SLC38A6: variants seen among roughly 807,000 people sequenced by gnomAD.
SLC38A6 encodes the protein solute carrier family 38 member 6.
In SLC38A6, 73 loss-of-function variants were observed where a neutral mutation model predicts 65.0. The ratio of observed to expected loss-of-function variants is 1.12; its 90% confidence interval spans 0.93 to 1.37. The LOEUF is 1.37. Ranked by LOEUF, SLC38A6 falls within the 40% of genes most tolerant of loss-of-function variation. SLC38A6 has a pLI of 0.00. For missense variants in SLC38A6, 561 were observed against 531.1 expected, an observed-to-expected ratio of 1.06 and a Z score of -0.55; for synonymous variants, 183 against 178.8, an observed-to-expected ratio of 1.02 and a Z score of -0.19.
chr14:61,011,219 C>T (rs995371947), intron 3 of SLC38A6, among the ~76,000 whole-genome samples: 7 of 152,072 alleles, frequency 4.6e-5, no homozygotes, highest in Non-Finnish European at 1.0e-4. Flanking sequence ...GTGATTTTTA[C>T]ACATTGATTT....
intron 15 of SLC38A6, among the ~76,000 whole-genome samples, chr14:61,062,482 T>G (rs1594773513): frequency 1.3e-5 from 2 of 152,006 alleles, no homozygotes; most frequent in African/African-American, 4.8e-5. Context: ...TCTGTTTAGC[T>G]CAACTCTCTT....
chr14:61,007,371 A>G (rs1049919910), intron 3 of SLC38A6, among the ~76,000 whole-genome samples: 1 of 152,144 alleles, frequency 6.6e-6, no homozygotes, highest in Admixed American at 6.6e-5. Flanking sequence ...GGCTCACACC[A>G]GTAATCCCAG....
At chr14:61,018,145 A>T (rs1411433373) in intron 4 of SLC38A6, among the ~76,000 whole-genome samples, 1 of 152,218 alleles carries the variant, frequency 6.6e-6, no homozygotes, top group African/African-American at 2.4e-5. Context: ...TCAGCCAAAG[A>T]ATGAAAGAAT....
chr14:61,051,310 G>A (rs2042496325), intron 13 of SLC38A6, among the ~76,000 whole-genome samples: 1 of 152,156 alleles, frequency 6.6e-6, no homozygotes, highest in African/African-American at 2.4e-5. Flanking sequence ...TTTGGCATGT[G>A]ACCGCCTGCT....
At chr14:61,026,112 G>C (rs1482556348) in intron 5 of SLC38A6, among the ~76,000 whole-genome samples, 1 of 152,046 alleles carries the variant, frequency 6.6e-6, no homozygotes, top group Non-Finnish European at 1.5e-5. Flanking sequence ...AAACTGTAAT[G>C]ATGTCTTAGG....
At chr14:60,982,403 G>A in intron 1 of SLC38A6, 105 bp from the exon 2 acceptor site, 2 of 1,444,610 alleles carry the variant, frequency 1.4e-6, no homozygotes, top group Non-Finnish European at 1.9e-6. Flanking sequence ...ACAAACCCTG[G>A]TGGTTTGCAG....
At chr14:61,004,955 T>G (rs927661407) in intron 3 of SLC38A6, among the ~76,000 whole-genome samples, 2 of 152,048 alleles carry the variant, frequency 1.3e-5, no homozygotes, top group African/African-American at 4.8e-5. Context: ...ACTGGCAAAC[T>G]GAATCCAGCA....
chr14:61,082,339 T>C (rs1294823913), intron 16 of SLC38A6, among the ~76,000 whole-genome samples: 1 of 152,168 alleles, frequency 6.6e-6, no homozygotes, highest in Non-Finnish European at 1.5e-5. Flanking sequence ...TGTTGACTGC[T>C]TTGATTTTGT....
chr14:61,083,081 C>G (rs1029682757), intron 16 of SLC38A6, among the ~76,000 whole-genome samples: 9 of 152,220 alleles, frequency 5.9e-5, no homozygotes, highest in Non-Finnish European at 4.4e-5. Flanking sequence ...GAGCTTGGCC[C>G]TCTACCATTT....
intron 5 of SLC38A6, among the ~76,000 whole-genome samples, chr14:61,022,681 G>A (rs1595115428): frequency 1.3e-5 from 2 of 151,922 alleles, no homozygotes; most frequent in East Asian, 3.9e-4. Context: ...TTTTTTAAAA[G>A]AATGTTTGTT....
chr14:61,071,728 A>AGTGTAGGAAT (rs1284917096), intron 15 of SLC38A6, among the ~76,000 whole-genome samples: 26 of 152,034 alleles, frequency 1.7e-4, no homozygotes, highest in Admixed American at 5.2e-4. Context: ...TTATATTCAC[A>AGTGTAGGAAT]ACAACTATGT....
chr14:61,014,384 C>T (rs1043275847), intron 3 of SLC38A6, among the ~76,000 whole-genome samples: 1 of 152,176 alleles, frequency 6.6e-6, no homozygotes, highest in African/African-American at 2.4e-5. Context: ...TCTCTCAACT[C>T]GTCAAAGTCA....
chr14:61,000,858 A>G (rs1470042852), intron 3 of SLC38A6, among the ~76,000 whole-genome samples: 1 of 152,224 alleles, frequency 6.6e-6, no homozygotes, highest in Non-Finnish European at 1.5e-5. Context: ...TCACAGAAGA[A>G]TTAAAACTGA....
intron 3 of SLC38A6, among the ~76,000 whole-genome samples, chr14:61,015,101 C>T (rs940542585): frequency 5.9e-5 from 9 of 152,214 alleles, no homozygotes; most frequent in African/African-American, 2.2e-4. Context: ...ATCCCCCAGC[C>T]TCGCTGCAGC....
rs760921831 is a variant in SLC38A6, at chr14:61,046,040, T to C, written c.825-27T>C. 2.1e-6 allele frequency: 3 copies of C among 1,400,664 alleles called. No homozygotes were observed. The South Asian group carries it at 3.6e-5, about 17-fold the overall frequency. 86.8% of individuals were successfully genotyped at this position (1,400,664 alleles called of 1,614,324 possible). A position where few individuals can be genotyped will look rare whatever the true frequency, so the allele number is the denominator to read the frequency against. ...TTTACATATAATTCAGATCACTTATTCTACCTTTGTCATTTTTGTCTTTTA... is the reference window on the plus strand; with the variant it reads ...TTTACATATAATTCAGATCACTTATCCTACCTTTGTCATTTTTGTCTTTTA... On this transcript the variant is annotated intron_variant, in intron 11 of 15. Transcript: ENST00000267488.
At chr14:60,983,408 G>T (rs537773080) in intron 2 of SLC38A6, among the ~76,000 whole-genome samples, 4 of 152,218 alleles carry the variant, frequency 2.6e-5, no homozygotes, top group African/African-American at 9.6e-5. Flanking sequence ...AGCCTGAGAG[G>T]TTGAGGCTGC....
chr14:61,063,267 A>G (rs147671988), intron 15 of SLC38A6, among the ~76,000 whole-genome samples: 89 of 152,282 alleles, frequency 5.8e-4, no homozygotes, highest in East Asian at 5.6e-3. Flanking sequence ...TCTAAATCCT[A>G]TCTAAAAACT....
chr14:60,983,580 G>A (rs143379032), intron 2 of SLC38A6, among the ~76,000 whole-genome samples: 4,097 of 152,254 alleles, frequency 0.027, 101 homozygotes, highest in Non-Finnish European at 0.036. Context: ...TTTGTCAGTA[G>A]AAGCAGATCT....
chr14:61,045,165 T>A (rs1448192852), intron 10 of SLC38A6, among the ~76,000 whole-genome samples, 181 bp from the exon 11 acceptor site: 7 of 152,306 alleles, frequency 4.6e-5, no homozygotes, highest in African/African-American at 1.7e-4. Flanking sequence ...AATAAAATAT[T>A]TGCTGGATCA....
Sources: gnomAD v4.1 joint callset for allele counts (sites outside exome capture counted in the v4.1 genomes callset) on GRCh38, gnomAD v4.1.1 for gene constraint, MANE v1.5 for transcripts, NCBI Gene and HGNC (gene_info 2026-07-23, HGNC 2026-07-21) for gene names.